Variants in SLCO5A1 observed in about 807,000 individuals in gnomAD.
The protein encoded by SLCO5A1 is solute carrier organic anion transporter family member 5A1.
SLCO5A1 carries 39 observed loss-of-function variants against 65.1 expected under a neutral mutation model. That is an observed-to-expected ratio of 0.60 (90% CI 0.46 to 0.78). The LOEUF (loss-of-function observed/expected upper bound fraction) is 0.78, where lower values mean the gene tolerates loss of function less well. Among genes scored for constraint, SLCO5A1 ranks in the 30% least tolerant of loss-of-function variants. The probability of loss-of-function intolerance (pLI) is 0.00; values close to 1 mark genes in which losing one functional copy is unlikely to be tolerated. For missense variants in SLCO5A1, 1,029 were observed against 1,069.4 expected, an observed-to-expected ratio of 0.96 and a Z score of 0.53; for synonymous variants, 438 against 415.7, an observed-to-expected ratio of 1.05 and a Z score of -0.65.
In SLCO5A1 at chr8:69,702,524, CA is replaced by C. The variant is rs1370026252; in HGVS notation, c.1622+2506del. 8.6e-4 allele frequency among the ~76,000 whole-genome samples: 131 copies of C among 152,240 alleles called. 1 individual carries two copies. Among genetic ancestry groups the C allele is most frequent in the African/African-American group, 3.1e-3 (127 of 41,532 alleles). On this transcript the variant is annotated intron_variant, in intron 6 of 9. Coordinates refer to ENST00000260126, the MANE Select transcript of SLCO5A1 (RefSeq NM_030958.3). ...CATCTTACACACACACACACACACA[CA>C]CACCAATGTCTTCTGGTAGAAAAAT...
chr8:69,833,015 GC>G lies in SLCO5A1; in HGVS notation c.-343del. ...CCCCTCCGCCGCCGCCGCCGCCGCC[GC>G]CGCTGGGCCCGCGGCCAGGAGCGAG... On this transcript the variant is annotated 5_prime_UTR_variant, in exon 2 of 10. Transcript: ENST00000260126. 1 of 314,154 alleles carries G rather than the reference GC, an allele frequency of 3.2e-6. No homozygotes were observed. The highest frequency in any genetic ancestry group is 8.0e-5 in the East Asian group (1 of 12,462). 19.5% of individuals were successfully genotyped at this position (314,154 alleles called of 1,614,324 possible). A position where few individuals can be genotyped will look rare whatever the true frequency, so the allele number is the denominator to read the frequency against.
intron 2 of SLCO5A1, among the ~76,000 whole-genome samples, chr8:69,824,240 T>C (rs1820772113): frequency 1.3e-5 from 2 of 151,866 alleles, no homozygotes; most frequent in African/African-American, 2.4e-5. Flanking sequence ...AGCAAACACA[T>C]TCAAAAGCTA....
intron 2 of SLCO5A1, among the ~76,000 whole-genome samples, chr8:69,809,391 A>G (rs2130910055): frequency 6.6e-6 from 1 of 152,320 alleles, no homozygotes; most frequent in Admixed American, 6.5e-5. Context: ...ACTGAAGAGG[A>G]AAACAAATAT....
chr8:69,701,909 C>CA (rs1814755099), intron 6 of SLCO5A1, among the ~76,000 whole-genome samples: 1 of 151,864 alleles, frequency 6.6e-6, no homozygotes, highest in African/African-American at 2.4e-5. Flanking sequence ...CATGAAAATA[C>CA]AAAAAAAGGA....
chr8:69,777,317 G>A (rs1818600845), intron 2 of SLCO5A1, among the ~76,000 whole-genome samples: 1 of 152,158 alleles, frequency 6.6e-6, no homozygotes, highest in Non-Finnish European at 1.5e-5. Context: ...CACACTGGAT[G>A]ATTCAATTTA....
In SLCO5A1 at chr8:69,682,144, T is replaced by C. The variant is rs761269149; in HGVS notation, c.1782+40A>G. The C allele has an allele frequency of 2.5e-6, 4 of 1,580,022 alleles. No individual in the cohort carries two copies. The East Asian group carries it at 7.0e-5, about 28-fold the overall frequency. ...ATTTCATCACATCCTTGTCACAGGA[T>C]GTTGGACTAACAGAAGAGGAACTTG... On this transcript the variant is annotated intron_variant, in intron 7 of 9. Transcript: ENST00000260126.
At position 69,672,911 on chromosome 8, in the gene SLCO5A1, C is replaced by A. The variant is rs771171908; in HGVS notation, c.2505G>T (p.Pro835=). The change falls in exon 10 of 10, where the codon CCG becomes CCT. Residue 835 remains proline, a synonymous_variant. Coordinates refer to ENST00000260126, the MANE Select transcript of SLCO5A1 (RefSeq NM_030958.3). ...AGGCAGCGGGGCTCTCTTCCAGCCC[C>A]GGGTCCGCAGAGGAACTTATTGCTT... The part of the protein sequence containing the change: ...FPEAISSSAD[P]GLEESPAALE... The A allele has an allele frequency of 6.2e-7, 1 of 1,613,830 alleles. No individual in the cohort carries two copies. Among genetic ancestry groups the A allele is most frequent in the South Asian group, 1.1e-5 (1 of 91,084 alleles).
intron 2 of SLCO5A1, among the ~76,000 whole-genome samples, chr8:69,801,907 C>T (rs906666367): frequency 1.3e-5 from 2 of 152,220 alleles, no homozygotes; most frequent in African/African-American, 4.8e-5. Flanking sequence ...CAAACGTCAT[C>T]TTCCACCTCC....
At chr8:69,740,739 A>G (rs1816757491) in intron 4 of SLCO5A1, among the ~76,000 whole-genome samples, 1 of 152,192 alleles carries the variant, frequency 6.6e-6, no homozygotes, top group African/African-American at 2.4e-5. Flanking sequence ...GTTGAACAAG[A>G]AAGCAAAAAT....
chr8:69,674,021 C>T (rs1813447126), intron 9 of SLCO5A1, among the ~76,000 whole-genome samples: 2 of 152,182 alleles, frequency 1.3e-5, no homozygotes, highest in South Asian at 4.1e-4. Context: ...AAAAAGTCTA[C>T]CTAGTACATA....
At chr8:69,824,200 C>G (rs558437424) in intron 2 of SLCO5A1, among the ~76,000 whole-genome samples, 1 of 152,078 alleles carries the variant, frequency 6.6e-6, no homozygotes, top group Admixed American at 6.5e-5. Flanking sequence ...GACACCCTAA[C>G]ATCACAATTA....
intron 2 of SLCO5A1, among the ~76,000 whole-genome samples, chr8:69,796,161 A>G (rs915250936): frequency 1.3e-5 from 2 of 151,846 alleles, no homozygotes; most frequent in Non-Finnish European, 2.9e-5. Context: ...CCTTCTTCCC[A>G]TTGTCTTATC....
chr8:69,755,898 AG>A (rs1276590740), intron 3 of SLCO5A1, among the ~76,000 whole-genome samples: 1 of 152,244 alleles, frequency 6.6e-6, no homozygotes, highest in Admixed American at 6.5e-5. Flanking sequence ...ATTTCATTCA[AG>A]TATTTTTGAG....
chr8:69,821,596 G>C (rs1296065459), intron 2 of SLCO5A1, among the ~76,000 whole-genome samples: 1 of 151,768 alleles, frequency 6.6e-6, no homozygotes, highest in East Asian at 1.9e-4. Context: ...ATCACTTGAG[G>C]CTAGGAGTTC....
At chr8:69,704,866 G>A in intron 6 of SLCO5A1, 165 bp downstream of exon 6, 1 of 646,582 alleles carries the variant, frequency 1.5e-6, no homozygotes, top group Non-Finnish European at 2.7e-6. Context: ...CCTGGCTTCT[G>A]CCCTGCAGGA....
At chr8:69,682,869 T>C (rs1252249161) in intron 6 of SLCO5A1, among the ~76,000 whole-genome samples, 4 of 152,228 alleles carry the variant, frequency 2.6e-5, no homozygotes, top group Non-Finnish European at 5.9e-5. Context: ...AAGAAAGGCA[T>C]TGGGGCTCTA....
chr8:69,771,252 G>A (rs1818308248), intron 2 of SLCO5A1, among the ~76,000 whole-genome samples: 1 of 152,108 alleles, frequency 6.6e-6, no homozygotes, highest in African/African-American at 2.4e-5. Flanking sequence ...CCAAAATCCT[G>A]GGATTACAGG....
intron 2 of SLCO5A1, among the ~76,000 whole-genome samples, chr8:69,813,678 G>A (rs1241162393): frequency 6.6e-6 from 1 of 152,156 alleles, no homozygotes; most frequent in East Asian, 1.9e-4. Context: ...AATGGCTCAA[G>A]GACTCCTCTG....
intron 5 of SLCO5A1, among the ~76,000 whole-genome samples, chr8:69,728,915 G>C (rs549602806): frequency 9.2e-5 from 14 of 152,028 alleles, no homozygotes; most frequent in Middle Eastern, 3.4e-3. Context: ...ATGAGCAATG[G>C]GCAACCCGAG....
Sources: allele counts gnomAD v4.1 joint callset (sites outside exome capture counted in the v4.1 genomes callset), GRCh38; gene constraint gnomAD v4.1.1; transcripts MANE v1.5; gene names NCBI Gene and HGNC (gene_info 2026-07-23, HGNC 2026-07-21).